THSD7A: variants seen among roughly 807,000 people sequenced by gnomAD.
The protein encoded by THSD7A is thrombospondin type-1 domain-containing protein 7A.
In THSD7A, 96 loss-of-function variants were observed where a neutral mutation model predicts 231.3. The observed-to-expected ratio is 0.41, with a 90% CI of 0.35 to 0.49. The LOEUF (loss-of-function observed/expected upper bound fraction) is 0.49, where lower values mean the gene tolerates loss of function less well. THSD7A is among the 20% of genes least tolerant of loss of function. The pLI is 0.05. For synonymous variants in THSD7A, 940 were observed against 743.3 expected (o/e 1.26, Z -4.30); for missense variants, 2,290 against 2,070.2 (o/e 1.11, Z -2.06).
intron 6 of THSD7A, among the ~76,000 whole-genome samples, chr7:11,532,233 T>C (rs186103729): frequency 3.4e-4 from 51 of 152,150 alleles, no homozygotes; most frequent in African/African-American, 1.1e-3. Context: ...TACAGCTGCA[T>C]CAGTGAGACC....
intron 6 of THSD7A, among the ~76,000 whole-genome samples, chr7:11,487,468 G>T (rs368940001): frequency 7.0e-4 from 107 of 152,240 alleles, no homozygotes; most frequent in Admixed American, 1.4e-3. Context: ...AATTGAGCAA[G>T]AATGCAAAAA....
Position 11,636,707 on chromosome 7 carries a change from C to T in THSD7A, c.445G>A (p.Gly149Arg), listed in dbSNP as rs987637970. The T allele has an allele frequency of 7.4e-6, 12 of 1,613,876 alleles. No homozygotes were observed. The highest frequency in any genetic ancestry group is 1.6e-4 in the Middle Eastern group (1 of 6,084). The change falls in exon 2 of 28, where the codon GGG becomes AGG. Residue 149 changes from glycine (G) to arginine (R), a missense_variant. Transcript: ENST00000423059. This position sits in a 1 kb window ranked among gnomAD's most constrained non-coding sequence, Gnocchi z 10.0. ...SLEKPLECIK[G>R]EEGIQVREIA... is the part of the protein sequence containing the mutation. ...TCCCTCACCTGAATACCTTCTTCCC[C>T]CTTAATGCACTCAAGAGGTTTCTCT...
In THSD7A at chr7:11,406,201, T is replaced by A. The variant is rs1219032163; in HGVS notation, c.4237+99A>T. 1.6e-6 allele frequency: 2 copies of A among 1,216,844 alleles called. No individual in the cohort carries two copies. The highest frequency in any genetic ancestry group is 2.3e-6 in the Non-Finnish European group (2 of 870,220). 75.4% of individuals were successfully genotyped at this position (1,216,844 alleles called of 1,614,324 possible). Reference sequence around the variant, plus strand: ...CATAGATATTACTGAATAAGAAGACTGTTGACATCCTGTAACTTATACTTT... The same window carrying A: ...CATAGATATTACTGAATAAGAAGACAGTTGACATCCTGTAACTTATACTTT... On this transcript the variant is annotated intron_variant, in intron 22 of 27. Coordinates refer to ENST00000423059, the MANE Select transcript of THSD7A (RefSeq NM_015204.3). The surrounding 1 kb of genome is among the most constrained non-coding windows in gnomAD (Gnocchi z 4.7).
At position 11,462,067 on chromosome 7, in the gene THSD7A, T is replaced by C; in HGVS notation, c.2445A>G (p.Thr815=). The part of the protein sequence containing the change: ...QLPANGGRDC[T]DPLYEEKACE... ...AGGCCTTCTCTTCATAGAGGGGATC[T>C]GTGCAGTCTCGGCCCCCGTTGGCTG... The change falls in exon 10 of 28, where the codon ACA becomes ACG. Residue 815 remains threonine (T), a synonymous_variant. Coordinates refer to ENST00000423059, the MANE Select transcript of THSD7A (RefSeq NM_015204.3). 6.2e-7 allele frequency: 1 copy of C among 1,613,854 alleles called. No individual in the cohort carries two copies. The highest frequency in any genetic ancestry group is 8.5e-7 in the Non-Finnish European group (1 of 1,179,764).
rs1779964610 is a variant in THSD7A at position 11,684,572 on chromosome 7, C to T, written c.191-47611G>A. On this transcript the variant is annotated intron_variant, in intron 1 of 27. Transcript: ENST00000423059. ...CAAAATCAATGTACAAAATTAGTAA[C>T]ATTTCTATACACCAATAATGTTCAA... 2.0e-5 allele frequency among the ~76,000 whole-genome samples: 3 copies of T among 151,804 alleles called. 1 individual carries two copies. The South Asian group carries it at 6.2e-4, about 31-fold the overall frequency.
chr7:11,543,394 T>C (rs1437012766), intron 4 of THSD7A, among the ~76,000 whole-genome samples: 3 of 152,232 alleles, frequency 2.0e-5, no homozygotes, highest in East Asian at 3.8e-4. Context: ...ATGCTGAATA[T>C]AACTTTCCTA....
At chr7:11,628,897 C>T (rs539148328) in intron 2 of THSD7A, among the ~76,000 whole-genome samples, 1 of 152,138 alleles carries the variant, frequency 6.6e-6, no homozygotes, top group South Asian at 2.1e-4. Context: ...CAGAAAAGTT[C>T]GTAAAAGGAT....
intron 2 of THSD7A, among the ~76,000 whole-genome samples, chr7:11,604,638 G>C (rs1221568417): frequency 6.6e-6 from 1 of 152,012 alleles, no homozygotes; most frequent in African/African-American, 2.4e-5. Flanking sequence ...CTAGAAATTA[G>C]CAGGCCTGGA....
chr7:11,428,408 A>G (rs988649830), intron 14 of THSD7A, among the ~76,000 whole-genome samples: 10 of 152,206 alleles, frequency 6.6e-5, no homozygotes, highest in African/African-American at 1.2e-4. Context: ...AATAAAATTG[A>G]AAATGGTCAA....
At chr7:11,820,705 C>G in intron 1 of THSD7A, 2 of 951,270 alleles carry the variant, frequency 2.1e-6, no homozygotes, top group Non-Finnish European at 3.5e-6. Context: ...TCTCAAAGCC[C>G]GTGGAGCTCT....
At chr7:11,476,336 C>T (rs1227824739) in intron 7 of THSD7A, among the ~76,000 whole-genome samples, 5 of 150,840 alleles carry the variant, frequency 3.3e-5, no homozygotes, top group African/African-American at 1.2e-4. Flanking sequence ...CACACACACA[C>T]ACACACACAC....
intron 6 of THSD7A, among the ~76,000 whole-genome samples, chr7:11,540,695 T>C (rs1470778861): frequency 6.6e-6 from 1 of 152,170 alleles, no homozygotes; most frequent in Non-Finnish European, 1.5e-5. Context: ...TAAGGAGTTC[T>C]CCCCAAAACA....
chr7:11,780,997 CAAAAAAAAAAAAAAAAAAAAAAAAAAA>C (rs58931693), intron 1 of THSD7A, among the ~76,000 whole-genome samples: 1 of 34,442 alleles, frequency 2.9e-5, no homozygotes, highest in East Asian at 1.0e-3. Context: ...GACTCCGTCT[CAAAAAAAAAAAAAAAAAAAAAAAAAAA>C]AAAAAAAAAA....
chr7:11,567,062 C>T (rs1173011814), intron 4 of THSD7A, among the ~76,000 whole-genome samples: 2 of 146,076 alleles, frequency 1.4e-5, no homozygotes, highest in African/African-American at 2.6e-5. Flanking sequence ...TCCCTCCAGT[C>T]CTAACTTACT....
At chr7:11,415,417 T>G (rs1305123948) in intron 17 of THSD7A, among the ~76,000 whole-genome samples, 1 of 152,180 alleles carries the variant, frequency 6.6e-6, no homozygotes, top group East Asian at 1.9e-4. Context: ...AATTGTAACT[T>G]TAGGTCTACA....
In THSD7A at chr7:11,377,392, A is replaced by G. The variant is rs1782318304; in HGVS notation, c.4802-735T>C. 6.6e-6 allele frequency among the ~76,000 whole-genome samples: 1 copy of G among 152,128 alleles called. No homozygotes were observed. The highest frequency in any genetic ancestry group is 2.4e-5 in the African/African-American group (1 of 41,444). ...AAACTTCAAGCACAAGATGTTATTA[A>G]TGATATTGGCTAATTTAATTTGATC... On this transcript the variant is annotated intron_variant, in intron 26 of 27. Transcript: ENST00000423059. This position sits in a 1 kb window ranked among gnomAD's most constrained non-coding sequence, Gnocchi z 4.5.
intron 1 of THSD7A, among the ~76,000 whole-genome samples, chr7:11,824,370 T>A (rs1784963236): frequency 6.6e-6 from 1 of 152,066 alleles, no homozygotes; most frequent in African/African-American, 2.4e-5. Flanking sequence ...AAACTTGTAT[T>A]CCTCCTAAAA....
At chr7:11,608,232 A>G (rs1402487585) in intron 2 of THSD7A, among the ~76,000 whole-genome samples, 1 of 152,208 alleles carries the variant, frequency 6.6e-6, no homozygotes, top group Non-Finnish European at 1.5e-5. Flanking sequence ...TTGTTTCATC[A>G]AAGCTATTTT....
At chr7:11,414,331 T>G (rs558557535) in intron 17 of THSD7A, among the ~76,000 whole-genome samples, 1 of 152,364 alleles carries the variant, frequency 6.6e-6, no homozygotes, top group East Asian at 1.9e-4. Context: ...ATGCCACCAT[T>G]TTTGGTACGT....
Sources: allele counts gnomAD v4.1 joint callset (sites outside exome capture counted in the v4.1 genomes callset), GRCh38; gene constraint gnomAD v4.1.1; non-coding constraint Gnocchi (gnomAD v3.1); transcripts MANE v1.5; gene names NCBI Gene and HGNC (gene_info 2026-07-23, HGNC 2026-07-21).